Variants in FAM133B observed in about 807,000 individuals in gnomAD.
FAM133B encodes the protein protein FAM133B.
A neutral mutation model predicts 46.4 loss-of-function variants in FAM133B; 25 were observed. That is an observed-to-expected ratio of 0.54 (90% confidence interval 0.39 to 0.75). FAM133B has a LOEUF of 0.75. FAM133B is among the 30% of genes least tolerant of loss of function. FAM133B has a pLI of 0.00. For missense variants in FAM133B, 205 were observed against 277.6 expected (o/e 0.74, Z 1.86); for synonymous variants, 75 against 86.0 (o/e 0.87, Z 0.71).
chr7:92,571,860 T>G (rs1794541425), intron 8 of FAM133B, among the ~76,000 whole-genome samples: 1 of 152,238 alleles, frequency 6.6e-6, no homozygotes, highest in Non-Finnish European at 1.5e-5. Flanking sequence ...CTCCATTTAT[T>G]CAATCTTCAT....
Position 92,581,510 on chromosome 7 carries a change from T to C in FAM133B, c.118A>G (p.Thr40Ala), listed in dbSNP as rs1381029895. ...IQDYLNRPRP[T>A]WEEVKEQLEK... ...GGTAAAGTGTTTCACAAATACCAGG[T>C]AGGCCTTGGTCGATTCAGATAATCC... The change falls in exon 2 of 11, where the codon ACC becomes GCC. Residue 40 changes from threonine (T) to alanine (A), a missense_variant. By Grantham distance (58) the Thr-to-Ala change is moderately conservative (BLOSUM62 0). Coordinates refer to ENST00000445716, the MANE Select transcript of FAM133B (RefSeq NM_152789.4). 6.2e-7 allele frequency: 1 copy of C among 1,611,608 alleles called. No individual in the cohort carries two copies. Among genetic ancestry groups the C allele is most frequent in the South Asian group, 1.1e-5 (1 of 90,922 alleles).
intron 8 of FAM133B, among the ~76,000 whole-genome samples, chr7:92,574,627 C>T (rs1476965775): frequency 1.3e-5 from 2 of 152,008 alleles, no homozygotes; most frequent in African/African-American, 2.4e-5. Context: ...AAATATGGGC[C>T]GGGCGCGGTG....
At chr7:92,587,915 G>C (rs1795083410) in intron 1 of FAM133B, among the ~76,000 whole-genome samples, 1 of 152,102 alleles carries the variant, frequency 6.6e-6, no homozygotes, top group African/African-American at 2.4e-5. Context: ...AGTGGGGTCA[G>C]GAGGTAAACG....
At chr7:92,567,804 C>T (rs1246848060) in intron 9 of FAM133B, among the ~76,000 whole-genome samples, 1 of 151,986 alleles carries the variant, frequency 6.6e-6, no homozygotes, top group Non-Finnish European at 1.5e-5. Context: ...CGCTCTGTTG[C>T]CCAGGATGGA....
intron 1 of FAM133B, among the ~76,000 whole-genome samples, chr7:92,582,061 C>T (rs1034122923): frequency 1.8e-4 from 27 of 152,046 alleles, no homozygotes; most frequent in Admixed American, 3.3e-4. Context: ...CCAGCCTGGC[C>T]GACGTGGTGA....
chr7:92,574,874 C>T (rs994894098), intron 8 of FAM133B, among the ~76,000 whole-genome samples: 3 of 149,620 alleles, frequency 2.0e-5, no homozygotes, highest in Admixed American at 6.6e-5. Context: ...CACTGCAGTC[C>T]GCAGTCCGGC....
intron 1 of FAM133B, among the ~76,000 whole-genome samples, chr7:92,586,934 A>G (rs752402714): frequency 5.3e-5 from 8 of 152,252 alleles, no homozygotes; most frequent in Admixed American, 1.3e-4. Flanking sequence ...TAAAAACTGT[A>G]CAAGAATGCA....
intron 2 of FAM133B, among the ~76,000 whole-genome samples, chr7:92,580,672 A>AC (rs1444686194): frequency 1.3e-5 from 2 of 152,328 alleles, no homozygotes; most frequent in South Asian, 4.1e-4. Flanking sequence ...TACCATGAGT[A>AC]CGACTATCTG....
chr7:92,579,195 G>A, intron 3 of FAM133B, 122 bp downstream of exon 3: 2 of 711,674 alleles, frequency 2.8e-6, no homozygotes, highest in Non-Finnish European at 4.7e-6. Context: ...TTACTTTGTT[G>A]CCCAGGCTGG....
chr7:92,573,455 T>C (rs2116394899), intron 8 of FAM133B, among the ~76,000 whole-genome samples: 1 of 144,558 alleles, frequency 6.9e-6, no homozygotes, highest in Middle Eastern at 3.4e-3. Context: ...GTGCCCAGTC[T>C]TTTTTCTTCT....
intron 1 of FAM133B, among the ~76,000 whole-genome samples, chr7:92,583,251 T>A (rs923264429): frequency 2.0e-5 from 3 of 152,218 alleles, no homozygotes; most frequent in African/African-American, 7.2e-5. Flanking sequence ...AAATATATGA[T>A]TCCATTTATA....
At chr7:92,580,259 A>C (rs1227160488) in intron 2 of FAM133B, among the ~76,000 whole-genome samples, 1 of 148,666 alleles carries the variant, frequency 6.7e-6, no homozygotes, top group South Asian at 2.1e-4. Flanking sequence ...AAAAAAAAAA[A>C]CACATAAATA....
At chr7:92,588,004 A>G (rs1397504849) in intron 1 of FAM133B, among the ~76,000 whole-genome samples, 1 of 152,216 alleles carries the variant, frequency 6.6e-6, no homozygotes, top group Non-Finnish European at 1.5e-5. Flanking sequence ...AAGAAAATCA[A>G]GAGTTAAGAT....
Position 92,577,733 on chromosome 7 carries a change from A to G in FAM133B, c.310-16T>C. 1 of 1,560,790 alleles carries G rather than the reference A, an allele frequency of 6.4e-7. No homozygotes were observed. Among genetic ancestry groups the G allele is most frequent in the South Asian group, 1.2e-5 (1 of 82,846 alleles). On this transcript the variant is annotated splice_polypyrimidine_tract_variant and intron_variant, in intron 5 of 10. Coordinates refer to ENST00000445716, the MANE Select transcript of FAM133B (RefSeq NM_152789.4). ...AAGATGAATACTTGACCAAGCACAA[A>G]ACAATTAAAGCTTGTGAGATGCGAG...
At chr7:92,572,300 G>A (rs1794555469) in intron 8 of FAM133B, among the ~76,000 whole-genome samples, 1 of 152,124 alleles carries the variant, frequency 6.6e-6, no homozygotes, top group South Asian at 2.1e-4. Context: ...GTGAAACAAG[G>A]GTATTTTTAT....
At chr7:92,584,036 C>A (rs1263359736) in intron 1 of FAM133B, among the ~76,000 whole-genome samples, 2 of 102,360 alleles carry the variant, frequency 2.0e-5, no homozygotes, top group Non-Finnish European at 3.6e-5. Flanking sequence ...GGCGAAAGAG[C>A]AAGACTGTCT....
At position 92,561,820 on chromosome 7, in the gene FAM133B, AAAAGTATACGAGGGGAAAAAATT is replaced by A. The variant is rs1334059999; in HGVS notation, c.*439_*461del. On this transcript the variant is annotated 3_prime_UTR_variant, in exon 11 of 11. Transcript: ENST00000445716. ...CTAAAAGCTCCTTCCCCAGGTAAAT[AAAAGTATACGAGGGGAAAAAATT>A]AAAATACACTTATCTACAGAGTAAG... 1 of 110,548 alleles carries A rather than the reference AAAAGTATACGAGGGGAAAAAATT, an allele frequency of 9.0e-6. No homozygotes were observed. Among genetic ancestry groups the A allele is most frequent in the Non-Finnish European group, 1.8e-5 (1 of 54,884 alleles). 6.8% of individuals were successfully genotyped at this position (110,548 alleles called of 1,614,324 possible). A position where few individuals can be genotyped will look rare whatever the true frequency, so the allele number is the denominator to read the frequency against.
chr7:92,571,216 G>A (rs1053741128), intron 8 of FAM133B, among the ~76,000 whole-genome samples: 7 of 152,150 alleles, frequency 4.6e-5, no homozygotes, highest in African/African-American at 1.7e-4. Context: ...GTCCAAAACT[G>A]TCTGTCATCC....
chr7:92,577,990 G>T, intron 5 of FAM133B, 160 bp downstream of exon 5: 1 of 708,928 alleles, frequency 1.4e-6, no homozygotes, highest in Non-Finnish European at 2.4e-6. Flanking sequence ...TTTTATGTCA[G>T]TGATAGAACA....
Sources: gnomAD v4.1 joint callset for allele counts (sites outside exome capture counted in the v4.1 genomes callset) on GRCh38, gnomAD v4.1.1 for gene constraint, MANE v1.5 for transcripts, NCBI Gene and HGNC (gene_info 2026-07-23, HGNC 2026-07-21) for gene names.